Variants in PHF20L1 observed in about 807,000 individuals in gnomAD.
PHF20L1 encodes the protein PHD finger protein 20 like 1.
A neutral mutation model predicts 125.5 loss-of-function variants in PHF20L1; 44 were observed. That is an observed-to-expected ratio of 0.35 (90% CI 0.28 to 0.45). The LOEUF is 0.45. Ranked by LOEUF, PHF20L1 falls within the 20% of genes least tolerant of loss-of-function variation. The pLI is 1.00. For synonymous variants in PHF20L1, 380 were observed against 403.1 expected (o/e 0.94, Z 0.69); for missense variants, 1,012 against 1,217.2 (o/e 0.83, Z 2.51).
intron 6 of PHF20L1, among the ~76,000 whole-genome samples, chr8:132,800,731 GT>G (rs1476133947): frequency 6.6e-6 from 1 of 151,504 alleles, no homozygotes; most frequent in Non-Finnish European, 1.5e-5. Context: ...TAATTCTGTT[GT>G]TTTTGACTTT....
At chr8:132,821,251 A>G (rs531078857) in intron 12 of PHF20L1, among the ~76,000 whole-genome samples, 1 of 152,024 alleles carries the variant, frequency 6.6e-6, no homozygotes, top group African/African-American at 2.4e-5. Flanking sequence ...CTATGATACT[A>G]TCATAGATGA....
intron 14 of PHF20L1, chr8:132,826,620 AG>A (rs1484479940): frequency 3.3e-5 from 5 of 152,108 alleles, no homozygotes; most frequent in African/African-American, 1.2e-4. Context: ...AAAACTAAAC[AG>A]TGTATTTTTA....
intron 17 of PHF20L1, 148 bp from the exon 18 acceptor site, chr8:132,839,239 G>T: frequency 1.6e-6 from 1 of 631,974 alleles, no homozygotes; most frequent in South Asian, 2.0e-5. Flanking sequence ...TCCTGCACCA[G>T]TTCCTCAGAA....
Position 132,847,987 on chromosome 8 carries a change from A to G in PHF20L1, c.*2064A>G, listed in dbSNP as rs1290302431. ...GCTACATTCTAGACATTGAATTTATATCTTCTTTTTTTCAGATACGGAGCA... is the reference window on the plus strand; with the variant it reads ...GCTACATTCTAGACATTGAATTTATGTCTTCTTTTTTTCAGATACGGAGCA... On this transcript the variant is annotated 3_prime_UTR_variant, in exon 21 of 21. Coordinates refer to ENST00000395386, the MANE Select transcript of PHF20L1 (RefSeq NM_016018.5). 2 of 152,042 alleles carry G rather than the reference A, an allele frequency of 1.3e-5. No homozygotes were observed. Among genetic ancestry groups the G allele is most frequent in the African/African-American group, 4.8e-5 (2 of 41,424 alleles). The allele number at this position is 152,042 out of a possible 1,614,324, so 9.4% of individuals were successfully genotyped here.
At chr8:132,825,431 C>G in intron 14 of PHF20L1, 60 bp downstream of exon 14, 1 of 1,350,608 alleles carries the variant, frequency 7.4e-7, no homozygotes, top group Non-Finnish European at 9.8e-7. Context: ...CCTTTGATTC[C>G]CCTTTTCTTT....
At chr8:132,782,165 G>A (rs1830504706) in intron 2 of PHF20L1, among the ~76,000 whole-genome samples, 2 of 152,200 alleles carry the variant, frequency 1.3e-5, no homozygotes, top group African/African-American at 2.4e-5. Flanking sequence ...GAGTATAGGT[G>A]TGTTGATACA....
Position 132,775,438 on chromosome 8 carries a change from C to T in PHF20L1, c.-245C>T. 2.6e-6 allele frequency: 1 copy of T among 385,772 alleles called. No homozygotes were observed. Among genetic ancestry groups the T allele is most frequent in the Non-Finnish European group, 4.5e-6 (1 of 219,906 alleles). 23.9% of individuals were successfully genotyped at this position (385,772 alleles called of 1,614,324 possible). A position where few individuals can be genotyped will look rare whatever the true frequency, so the allele number is the denominator to read the frequency against. On this transcript the variant is annotated 5_prime_UTR_variant, in exon 1 of 21. Transcript: ENST00000395386. ...GGCGGCGGCGGCGATGGCAGCGGAC[C>T]CTGAGCGAGCTTGAGGGCTCGGACC...
chr8:132,824,074 G>C lies in PHF20L1; in HGVS notation c.1636+14G>C. ...CAACAGCATTTGGTATGAACAGAAAGTAATCTTTAAGCAAAAGACTATAAA... is the reference window on the plus strand; with the variant it reads ...CAACAGCATTTGGTATGAACAGAAACTAATCTTTAAGCAAAAGACTATAAA... On this transcript the variant is annotated intron_variant, in intron 13 of 20. Coordinates refer to ENST00000395386, the MANE Select transcript of PHF20L1 (RefSeq NM_016018.5). 1 of 1,549,288 alleles carries C rather than the reference G, an allele frequency of 6.5e-7. No homozygotes were observed. Among genetic ancestry groups the C allele is most frequent in the Non-Finnish European group, 8.9e-7 (1 of 1,126,622 alleles).
chr8:132,835,883 C>A (rs1449418626), intron 15 of PHF20L1, among the ~76,000 whole-genome samples: 2 of 152,046 alleles, frequency 1.3e-5, no homozygotes, highest in African/African-American at 4.8e-5. Context: ...GTAGTTGATG[C>A]TGCTGATACT....
chr8:132,815,224 TAA>T (rs1834827335), intron 10 of PHF20L1: 1 of 165,696 alleles, frequency 6.0e-6, no homozygotes, highest in Non-Finnish European at 1.3e-5. Flanking sequence ...TATTTTTACT[TAA>T]GACTATTCCT....
intron 13 of PHF20L1, chr8:132,824,303 A>T (rs1490090939): frequency 5.9e-6 from 2 of 337,986 alleles, no homozygotes; most frequent in Non-Finnish European, 1.1e-5. Context: ...TGTGTTTATG[A>T]TCATCCCTAG....
At chr8:132,817,149 TAAA>T in intron 11 of PHF20L1, 73 bp downstream of exon 11, 1 of 998,016 alleles carries the variant, frequency 1.0e-6, no homozygotes, top group Non-Finnish European at 1.4e-6. Flanking sequence ...TAAAGATTAT[TAAA>T]ATATTAAGAT....
At chr8:132,818,202 A>G (rs1835188070) in intron 12 of PHF20L1, 1 of 151,936 alleles carries the variant, frequency 6.6e-6, no homozygotes, top group Admixed American at 6.6e-5. Flanking sequence ...TTTATTTAGA[A>G]GTTTTTAAGA....
Position 132,847,037 on chromosome 8 carries a change from G to A in PHF20L1, c.*1114G>A, listed in dbSNP as rs1398604527. The A allele has an allele frequency of 1.3e-5, 2 of 152,472 alleles. No homozygotes were observed. Among genetic ancestry groups the A allele is most frequent in the East Asian group, 3.9e-4 (2 of 5,192 alleles). 9.4% of individuals were successfully genotyped at this position (152,472 alleles called of 1,614,324 possible). The stretch of plus-strand genomic sequence containing the variant: ...AAGTGGACAAATTTCTGAAACCAAA[G>A]GCAACTAAGTTGCTGTGTTAGCTCT... On this transcript the variant is annotated 3_prime_UTR_variant, in exon 21 of 21. Transcript: ENST00000395386.
In PHF20L1 at chr8:132,845,810, G is replaced by A. The variant is rs770428951; in HGVS notation, c.2941G>A (p.Glu981Lys). ...VLESWLDFTG[E>K]LEPPDPLARL... Reference sequence around the variant, plus strand: ...GGAAAGCTGGCTTGATTTCACAGGGGAGTTGGAGCCACCAGATCCTCTTGC... The same window carrying A: ...GGAAAGCTGGCTTGATTTCACAGGGAAGTTGGAGCCACCAGATCCTCTTGC... The change falls in exon 21 of 21, where the codon GAG (glutamate) becomes AAG (lysine). Residue 981 changes from glutamate to lysine, a missense_variant. Glu to Lys is a moderately conservative substitution (Grantham distance 56). Around this residue, in one of 7 missense-constraint regions of PHF20L1, gnomAD observed 277 missense variants for 283.6 expected, o/e 0.98. Transcript: ENST00000395386. 1.6e-5 allele frequency: 26 copies of A among 1,610,398 alleles called. No individual in the cohort carries two copies. In the African/African-American group the frequency reaches 2.7e-4, roughly 17 times the overall value.
chr8:132,830,859 C>T (rs747759201), intron 14 of PHF20L1, among the ~76,000 whole-genome samples: 7 of 152,012 alleles, frequency 4.6e-5, no homozygotes, highest in Non-Finnish European at 8.8e-5. Flanking sequence ...CTGGTTTCTC[C>T]ACCTTGCATT....
At chr8:132,840,693 C>T (rs762603006) in intron 18 of PHF20L1, among the ~76,000 whole-genome samples, 2 of 152,058 alleles carry the variant, frequency 1.3e-5, no homozygotes, top group Non-Finnish European at 2.9e-5. Context: ...TTACTCACAC[C>T]CAGGATAAGC....
chr8:132,785,842 T>C (rs1830961414), intron 2 of PHF20L1, among the ~76,000 whole-genome samples: 1 of 152,128 alleles, frequency 6.6e-6, no homozygotes, highest in Non-Finnish European at 1.5e-5. Context: ...GAAATAAATT[T>C]ATTTCTGGTA....
At chr8:132,807,066 T>C (rs978420379) in intron 8 of PHF20L1, 1 of 151,978 alleles carries the variant, frequency 6.6e-6, no homozygotes, top group Non-Finnish European at 1.5e-5. Flanking sequence ...GACAATATAG[T>C]TGCACAGTAT....
Sources: allele counts gnomAD v4.1 joint callset (sites outside exome capture counted in the v4.1 genomes callset), GRCh38; gene constraint gnomAD v4.1.1; regional missense constraint gnomAD v4.1.1; transcripts MANE v1.5; gene names NCBI Gene and HGNC (gene_info 2026-07-23, HGNC 2026-07-21).